PRDM6: variants seen among roughly 807,000 people sequenced by gnomAD.
The protein encoded by PRDM6 is putative histone-lysine N-methyltransferase PRDM6.
PRDM6 carries 25 observed loss-of-function variants against 60.8 expected under a neutral mutation model. The observed-to-expected ratio is 0.41, with a 90% CI of 0.30 to 0.57. PRDM6 has a LOEUF of 0.57. Among genes scored for constraint, PRDM6 ranks in the 20% least tolerant of loss-of-function variants. The probability of loss-of-function intolerance (pLI) is 0.27; values close to 1 mark genes in which losing one functional copy is unlikely to be tolerated. For missense variants in PRDM6, 839 were observed against 821.3 expected (o/e 1.02, Z -0.26); for synonymous variants, 407 against 357.4 (o/e 1.14, Z -1.57).
intron 3 of PRDM6, among the ~76,000 whole-genome samples, chr5:123,128,727 C>A (rs1240126268): frequency 6.6e-6 from 1 of 152,100 alleles, no homozygotes; most frequent in Non-Finnish European, 1.5e-5. Context: ...GTTACCTGTT[C>A]ATTCTGTTAG....
intron 7 of PRDM6, among the ~76,000 whole-genome samples, chr5:123,184,923 G>A (rs983440921): frequency 1.3e-5 from 2 of 152,010 alleles, no homozygotes; most frequent in Non-Finnish European, 2.9e-5. Flanking sequence ...ATTTCTACAC[G>A]TTTGCTTGTA....
intron 3 of PRDM6, among the ~76,000 whole-genome samples, chr5:123,101,583 C>T (rs71594327): frequency 0.012 from 1,806 of 152,278 alleles, 18 homozygotes; most frequent in Middle Eastern, 0.048. Context: ...GAAAATCGTA[C>T]AGCAATTGTT....
chr5:123,091,986 T>A (rs1763851453), intron 2 of PRDM6, among the ~76,000 whole-genome samples: 1 of 152,160 alleles, frequency 6.6e-6, no homozygotes, highest in Non-Finnish European at 1.5e-5. Context: ...GGTCTATGAA[T>A]ATTTTCATTA....
chr5:123,168,874 C>G (rs1039015951), intron 5 of PRDM6, among the ~76,000 whole-genome samples: 1 of 152,244 alleles, frequency 6.6e-6, no homozygotes, highest in African/African-American at 2.4e-5. Flanking sequence ...ACACCTACTC[C>G]TTTCTGTGCC....
At chr5:123,106,418 G>T (rs1764197932) in intron 3 of PRDM6, among the ~76,000 whole-genome samples, 1 of 152,296 alleles carries the variant, frequency 6.6e-6, no homozygotes, top group African/African-American at 2.4e-5. Flanking sequence ...TGACTCTGAG[G>T]CTTGGTGGTA....
At chr5:123,118,337 A>C (rs1274120336) in intron 3 of PRDM6, among the ~76,000 whole-genome samples, 3 of 152,240 alleles carry the variant, frequency 2.0e-5, no homozygotes, top group Non-Finnish European at 4.4e-5. Context: ...TGATATTAAG[A>C]AATAAGGCTG....
chr5:123,156,239 G>T (rs909913885), intron 4 of PRDM6, among the ~76,000 whole-genome samples: 1 of 151,930 alleles, frequency 6.6e-6, no homozygotes, highest in African/African-American at 2.4e-5. Context: ...CCTTCACTCC[G>T]TGCACATGGT....
At chr5:123,100,675 A>C (rs575964751) in intron 3 of PRDM6, among the ~76,000 whole-genome samples, 1 of 152,372 alleles carries the variant, frequency 6.6e-6, no homozygotes, top group African/African-American at 2.4e-5. Context: ...CAGTGTGAGC[A>C]CTTTGGTGTA....
chr5:123,179,430 G>A (rs1486146326), intron 6 of PRDM6, among the ~76,000 whole-genome samples: 1 of 152,218 alleles, frequency 6.6e-6, no homozygotes, highest in Non-Finnish European at 1.5e-5. Flanking sequence ...GGAATAGTAG[G>A]TAGAAGTCAG....
intron 7 of PRDM6, among the ~76,000 whole-genome samples, chr5:123,186,316 G>T (rs1766288015): frequency 6.6e-6 from 1 of 152,214 alleles, no homozygotes; most frequent in Admixed American, 6.5e-5. Flanking sequence ...GGAAGATATG[G>T]ACATGGGAGA....
At chr5:123,157,401 T>C (rs1166807241) in intron 4 of PRDM6, among the ~76,000 whole-genome samples, 1 of 152,194 alleles carries the variant, frequency 6.6e-6, no homozygotes, top group Non-Finnish European at 1.5e-5. Flanking sequence ...AGTTTGGTTC[T>C]GTAATGGGTA....
At chr5:123,123,185 C>T (rs538054974) in intron 3 of PRDM6, among the ~76,000 whole-genome samples, 3 of 152,272 alleles carry the variant, frequency 2.0e-5, no homozygotes, top group East Asian at 1.9e-4. Flanking sequence ...TGTCTATATT[C>T]GCTACTTTTT....
intron 3 of PRDM6, among the ~76,000 whole-genome samples, chr5:123,111,069 T>C (rs1216911406): frequency 2.6e-5 from 4 of 152,062 alleles, no homozygotes; most frequent in Non-Finnish European, 5.9e-5. Context: ...TAATAATATA[T>C]ATTATGTGTA....
intron 3 of PRDM6, among the ~76,000 whole-genome samples, chr5:123,147,307 G>GAGAGAGAGAGAGAA (rs1309614411): frequency 8.0e-4 from 119 of 149,030 alleles, no homozygotes; most frequent in African/African-American, 2.8e-3. Flanking sequence ...GAGAGAGAGA[G>GAGAGAGAGAGAGAA]AAAACGAACA....
At chr5:123,109,814 C>A (rs146229647) in intron 3 of PRDM6, among the ~76,000 whole-genome samples, 1 of 152,102 alleles carries the variant, frequency 6.6e-6, no homozygotes, top group Non-Finnish European at 1.5e-5. Context: ...GATGAAAATG[C>A]GAGAATTACT....
At position 123,188,462 on chromosome 5, in the gene PRDM6, C is replaced by G. The variant is rs75902593; in HGVS notation, c.*1261C>G. ...TTCAGCTAGCCTGTTGGTGGTTCAA[C>G]AGTGGTGCTCAATGAAATTGGGTCA... On this transcript the variant is annotated 3_prime_UTR_variant, in exon 8 of 8. Coordinates refer to ENST00000407847, the MANE Select transcript of PRDM6 (RefSeq NM_001136239.4). 6 of 152,198 alleles carry G rather than the reference C, an allele frequency of 3.9e-5. No individual in the cohort carries two copies. The highest frequency in any genetic ancestry group is 7.3e-5 in the Non-Finnish European group (5 of 68,030). 9.4% of individuals were successfully genotyped at this position (152,198 alleles called of 1,614,324 possible). A position where few individuals can be genotyped will look rare whatever the true frequency, so the allele number is the denominator to read the frequency against.
intron 7 of PRDM6, among the ~76,000 whole-genome samples, chr5:123,185,566 A>G (rs1263684594): frequency 1.3e-5 from 2 of 152,200 alleles, no homozygotes; most frequent in Non-Finnish European, 2.9e-5. Flanking sequence ...ATTAAAGCTG[A>G]CATTATACAT....
Position 123,125,959 on chromosome 5 carries a change from T to C in PRDM6, c.900+25998T>C, listed in dbSNP as rs184386012. On this transcript the variant is annotated intron_variant, in intron 3 of 7. Transcript: ENST00000407847. ...TCTTATCAAAACTTTATAGGGTCTT[T>C]TTCCCTGTATGTGTTTACTTTGTTG... Among the ~76,000 whole-genome samples, 116 of 152,286 alleles carry C rather than the reference T, an allele frequency of 7.6e-4. 1 individual carries two copies. Among genetic ancestry groups the C allele is most frequent in the Admixed American group, 7.6e-3 (116 of 15,296 alleles).
chr5:123,177,164 T>C (rs1766033716), intron 6 of PRDM6, among the ~76,000 whole-genome samples: 1 of 152,256 alleles, frequency 6.6e-6, no homozygotes, highest in African/African-American at 2.4e-5. Flanking sequence ...AACGTATTCC[T>C]GTTTCCCTGG....
Sources: allele counts gnomAD v4.1 joint callset (sites outside exome capture counted in the v4.1 genomes callset), GRCh38; gene constraint gnomAD v4.1.1; transcripts MANE v1.5; gene names NCBI Gene and HGNC (gene_info 2026-07-23, HGNC 2026-07-21).